Variants in COL14A1 observed in about 807,000 individuals in gnomAD.
The protein encoded by COL14A1 is collagen alpha-1(XIV) chain.
Under a neutral mutation model 230.3 loss-of-function variants are expected in COL14A1, and 136 were observed. That is an observed-to-expected ratio of 0.59 (90% CI 0.51 to 0.68). The LOEUF (loss-of-function observed/expected upper bound fraction) is 0.68. Among genes scored for constraint, COL14A1 ranks in the 30% least tolerant of loss-of-function variants. COL14A1 has a pLI of 0.00. For missense variants in COL14A1, 1,976 were observed against 2,215.8 expected, an observed-to-expected ratio of 0.89 and a Z score of 2.17; for synonymous variants, 792 against 784.1, an observed-to-expected ratio of 1.01 and a Z score of -0.17.
chr8:120,270,959 A>G (rs1819648434), intron 26 of COL14A1, among the ~76,000 whole-genome samples: 1 of 151,794 alleles, frequency 6.6e-6, no homozygotes, highest in Non-Finnish European at 1.5e-5. Flanking sequence ...ACAATAGCAG[A>G]CATGATATTA....
chr8:120,311,825 G>A lies in COL14A1; in HGVS notation c.4455+1763G>A, dbSNP rs575188067. ...CATATTATTAAACTCAGCCAGGCGC[G>A]GTGGATCATGCCTGTAATCTCAGCA... On this transcript the variant is annotated intron_variant, in intron 37 of 47. Coordinates refer to ENST00000297848, the MANE Select transcript of COL14A1 (RefSeq NM_021110.4). Among the ~76,000 whole-genome samples, 16 of 152,180 alleles carry A rather than the reference G, an allele frequency of 1.1e-4. 1 individual carries two copies. In the South Asian group the frequency reaches 2.7e-3, roughly 26 times the overall value.
intron 25 of COL14A1, 106 bp downstream of exon 25, chr8:120,266,989 GCTAC>G (rs1819520403): frequency 5.0e-6 from 5 of 994,930 alleles, no homozygotes; most frequent in Middle Eastern, 2.3e-4. Flanking sequence ...TATTTATTGT[GCTAC>G]CTAATTTTCT....
chr8:120,316,064 T>A, intron 40 of COL14A1, 67 bp downstream of exon 40: 1 of 1,523,332 alleles, frequency 6.6e-7, no homozygotes. Context: ...CTCTTATTGC[T>A]GACAGGCTTC....
Position 120,209,866 on chromosome 8 carries a change from C to G in COL14A1, c.1432C>G (p.Pro478Ala). ...GASGYLILYAPLTEGLAGDEK... is the reference protein window; with the variant it reads ...GASGYLILYAALTEGLAGDEK... ...CTCAGGTTACCTGATCCTTTATGCT[C>G]CTCTAACAGAGGGCCTGGCTGGGGA... Residue 478 changes from proline to alanine, a missense_variant, in exon 12 of 48, where the codon CCT becomes GCT. Around this residue, in one of 3 missense-constraint regions of COL14A1, gnomAD observed 1,791 missense variants for 2,019.5 expected, o/e 0.89. Transcript: ENST00000297848. The G allele has an allele frequency of 6.2e-7, 1 of 1,612,056 alleles. No homozygotes were observed. Among genetic ancestry groups the G allele is most frequent in the Non-Finnish European group, 8.5e-7 (1 of 1,179,182 alleles).
In COL14A1 at chr8:120,245,051, C is replaced by T. The variant is rs190242482; in HGVS notation, c.2479+1043C>T. ...TTGAAGTTGTTCCTGCCTTAGGCCC[C>T]ATGCCCTAGCGATTCCTTCTACATG... is the stretch of plus-strand genomic sequence containing the variant. On this transcript the variant is annotated intron_variant, in intron 20 of 47. Transcript: ENST00000297848. Among the ~76,000 whole-genome samples, 210 of 152,308 alleles carry T rather than the reference C, an allele frequency of 1.4e-3. 1 individual carries two copies. The highest frequency in any genetic ancestry group is 4.9e-3 in the African/African-American group (202 of 41,570).
Position 120,371,393 on chromosome 8 carries a change from C to CA in COL14A1, c.*168dup, listed in dbSNP as rs1331216384. 6.5e-5 allele frequency: 25 copies of CA among 386,370 alleles called. No individual in the cohort carries two copies. Among genetic ancestry groups the CA allele is most frequent in the Non-Finnish European group, 4.1e-5 (9 of 221,196 alleles). 23.9% of individuals were successfully genotyped at this position (386,370 alleles called of 1,614,324 possible). A position where few individuals can be genotyped will look rare whatever the true frequency, so the allele number is the denominator to read the frequency against. On this transcript the variant is annotated 3_prime_UTR_variant, in exon 48 of 48. Coordinates refer to ENST00000297848, the MANE Select transcript of COL14A1 (RefSeq NM_021110.4). ...ATGTTAATATTATTATTATTATTAA[C>CA]AAAAAATATATATTTTTAAAAAGTT...
intron 12 of COL14A1, among the ~76,000 whole-genome samples, chr8:120,211,636 G>C (rs1285172697): frequency 6.6e-6 from 1 of 152,130 alleles, no homozygotes; most frequent in Non-Finnish European, 1.5e-5. Context: ...TATCCAATTT[G>C]AGTAATGGGT....
In COL14A1 at chr8:120,209,753, C is replaced by T. The variant is rs573004305; in HGVS notation, c.1322-3C>T. ...TCAACATTTAAAAAAAAATCTCTTG[C>T]AGTTGCTTTACCGATGGCTTCTGAC... is the stretch of plus-strand genomic sequence containing the variant. On this transcript the variant is annotated splice_region_variant and splice_polypyrimidine_tract_variant and intron_variant, in intron 11 of 47. Transcript: ENST00000297848. The T allele has an allele frequency of 4.4e-6, 7 of 1,596,924 alleles. No homozygotes were observed. The East Asian group carries it at 9.0e-5, about 20-fold the overall frequency.
At chr8:120,334,853 A>G (rs887417198) in intron 42 of COL14A1, among the ~76,000 whole-genome samples, 23 of 152,310 alleles carry the variant, frequency 1.5e-4, no homozygotes, top group South Asian at 1.2e-3. Flanking sequence ...ACATGCACAG[A>G]AACTGCATGC....
chr8:120,309,910 TA>T, intron 36 of COL14A1, 98 bp from the exon 37 acceptor site: 1 of 1,195,324 alleles, frequency 8.4e-7, no homozygotes, highest in Non-Finnish European at 1.2e-6. Flanking sequence ...GGCCTTTACA[TA>T]AAATAATAAT....
At chr8:120,183,324 A>C (rs1816536008) in intron 5 of COL14A1, among the ~76,000 whole-genome samples, 1 of 152,158 alleles carries the variant, frequency 6.6e-6, no homozygotes, top group African/African-American at 2.4e-5. Context: ...AATAATCTTA[A>C]AATTTAGGTC....
chr8:120,207,950 GTTA>G (rs1299782011), intron 10 of COL14A1, among the ~76,000 whole-genome samples: 2 of 151,574 alleles, frequency 1.3e-5, no homozygotes, highest in African/African-American at 2.4e-5. Flanking sequence ...CATGTTTACT[GTTA>G]TTAAGTGGAT....
chr8:120,162,324 G>A (rs1815705654), intron 3 of COL14A1, 102 bp from the exon 4 acceptor site: 3 of 852,954 alleles, frequency 3.5e-6, no homozygotes, highest in Non-Finnish European at 5.2e-6. Flanking sequence ...TTCAAAAAAT[G>A]CCTTTACTGT....
chr8:120,291,323 A>T (rs190877157), intron 34 of COL14A1, among the ~76,000 whole-genome samples: 1 of 152,174 alleles, frequency 6.6e-6, no homozygotes, highest in Admixed American at 6.5e-5. Flanking sequence ...GCACTTTGGG[A>T]GGCCGAGGTG....
At chr8:120,133,211 G>A (rs890918269) in intron 1 of COL14A1, among the ~76,000 whole-genome samples, 6 of 143,172 alleles carry the variant, frequency 4.2e-5, no homozygotes, top group African/African-American at 5.2e-5. Flanking sequence ...GCGAAACTCC[G>A]TCTCAAACAA....
At chr8:120,296,715 A>T (rs1820541006) in intron 34 of COL14A1, among the ~76,000 whole-genome samples, 1 of 151,974 alleles carries the variant, frequency 6.6e-6, no homozygotes, top group Non-Finnish European at 1.5e-5. Flanking sequence ...TGTTGTAATT[A>T]TGTTTCTGTA....
At chr8:120,369,199 T>C in intron 46 of COL14A1, 131 bp from the exon 47 acceptor site, 1 of 834,330 alleles carries the variant, frequency 1.2e-6, no homozygotes, top group Non-Finnish European at 1.7e-6. Context: ...AAGAACTCAA[T>C]GAGTAGAAAG....
In COL14A1 at chr8:120,326,013, AT is replaced by A. The variant is rs1216628498; in HGVS notation, c.4660-6124del. On this transcript the variant is annotated intron_variant, in intron 40 of 47. Transcript: ENST00000297848. ...TTAATTTACCCTACAAAATGCAGTTATTTTACAAAATTTTTCCTTTCACCAA... is the reference window on the plus strand; with the variant it reads ...TTAATTTACCCTACAAAATGCAGTTATTTACAAAATTTTTCCTTTCACCAA... Among the ~76,000 whole-genome samples, 4 of 152,176 alleles carry A rather than the reference AT, an allele frequency of 2.6e-5. No individual in the cohort carries two copies. The East Asian group carries it at 5.8e-4, about 22-fold the overall frequency.
At chr8:120,143,357 G>A (rs544762666) in intron 1 of COL14A1, among the ~76,000 whole-genome samples, 2 of 152,156 alleles carry the variant, frequency 1.3e-5, no homozygotes, top group African/African-American at 2.4e-5. Flanking sequence ...AGTGGCTCAC[G>A]CCTGTAAACC....
Sources: allele counts gnomAD v4.1 joint callset (sites outside exome capture counted in the v4.1 genomes callset), GRCh38; gene constraint gnomAD v4.1.1; regional missense constraint gnomAD v4.1.1; transcripts MANE v1.5; gene names NCBI Gene and HGNC (gene_info 2026-07-23, HGNC 2026-07-21).